Variants in HEMK2 observed in about 807,000 individuals in gnomAD.
HEMK2 encodes methyltransferase HEMK2.
chr21:28,580,747 G>C, the HEMK2 span, among the ~76,000 whole-genome samples: 4 of 152,046 alleles, frequency 2.6e-5, no homozygotes, highest in African/African-American at 7.2e-5. Flanking sequence ...CCCCAACCTG[G>C]ATAGCTAAAA....
chr21:28,633,007 T>C, the HEMK2 span, among the ~76,000 whole-genome samples: 1 of 152,196 alleles, frequency 6.6e-6, no homozygotes, highest in African/African-American at 2.4e-5. Context: ...CTATGGCTCC[T>C]AGCATTACTG....
chr21:28,734,372 G>T, the HEMK2 span, among the ~76,000 whole-genome samples: 4 of 152,124 alleles, frequency 2.6e-5, no homozygotes, highest in African/African-American at 9.7e-5. Context: ...GCCACGGCAT[G>T]TCTGCTTTCA....
chr21:28,702,077 A>G, the HEMK2 span, among the ~76,000 whole-genome samples: 2 of 151,994 alleles, frequency 1.3e-5, no homozygotes. Context: ...ACAAGCAACA[A>G]AGAAAGGACT....
the HEMK2 span, among the ~76,000 whole-genome samples, chr21:28,595,523 T>C: frequency 1.7e-3 from 258 of 152,338 alleles, 1 homozygote; most frequent in African/African-American, 5.9e-3. Context: ...TCATTTTTTA[T>C]AGCTAAATAG....
the HEMK2 span, among the ~76,000 whole-genome samples, chr21:28,751,723 A>G: frequency 6.6e-6 from 1 of 152,356 alleles, no homozygotes; most frequent in Admixed American, 6.5e-5. Context: ...CTTGTTGTCC[A>G]AGCTGGAGTG....
chr21:28,860,115 C>G, the HEMK2 span, among the ~76,000 whole-genome samples: 2 of 152,162 alleles, frequency 1.3e-5, no homozygotes, highest in African/African-American at 4.8e-5. Flanking sequence ...AAGGATTGAT[C>G]CTGGATGTAT....
chr21:28,650,490 A>G, the HEMK2 span, among the ~76,000 whole-genome samples: 2 of 152,210 alleles, frequency 1.3e-5, no homozygotes, highest in Admixed American at 6.5e-5. Context: ...AGAGACAGTC[A>G]GAGGTGGAAG....
At chr21:28,587,336 C>A in the HEMK2 span, among the ~76,000 whole-genome samples, 16 of 152,080 alleles carry the variant, frequency 1.1e-4, no homozygotes, top group Non-Finnish European at 1.8e-4. Flanking sequence ...TTATCTTACT[C>A]TAATCCTTAT....
At chr21:28,663,946 T>C in the HEMK2 span, among the ~76,000 whole-genome samples, 1 of 152,166 alleles carries the variant, frequency 6.6e-6, no homozygotes, top group Non-Finnish European at 1.5e-5. Flanking sequence ...CAAATTGAAA[T>C]AGACTAACAC....
chr21:28,878,011 C>T, the HEMK2 span, among the ~76,000 whole-genome samples: 1 of 152,106 alleles, frequency 6.6e-6, no homozygotes, highest in Admixed American at 6.5e-5. Context: ...GAAAAATTTA[C>T]CTCTGAAAAC....
At chr21:28,677,565 G>A in the HEMK2 span, among the ~76,000 whole-genome samples, 11 of 152,192 alleles carry the variant, frequency 7.2e-5, no homozygotes, top group African/African-American at 1.7e-4. Context: ...CTCCCAGCAC[G>A]CAGCTGGAGA....
the HEMK2 span, among the ~76,000 whole-genome samples, chr21:28,847,174 T>A: frequency 6.6e-6 from 1 of 152,168 alleles, no homozygotes; most frequent in East Asian, 1.9e-4. Flanking sequence ...GGTATTTCTG[T>A]TTAAGTTCTT....
the HEMK2 span, among the ~76,000 whole-genome samples, chr21:28,725,584 G>T: frequency 6.6e-6 from 1 of 152,172 alleles, no homozygotes; most frequent in African/African-American, 2.4e-5. Flanking sequence ...ACAAGAGTGA[G>T]GGCTTAGGTG....
chr21:28,829,182 G>C, the HEMK2 span, among the ~76,000 whole-genome samples: 1 of 152,152 alleles, frequency 6.6e-6, no homozygotes, highest in East Asian at 1.9e-4. Flanking sequence ...TGCTTCTTTA[G>C]AACAAGTGAA....
At chr21:28,848,222 T>C in the HEMK2 span, among the ~76,000 whole-genome samples, 1 of 152,226 alleles carries the variant, frequency 6.6e-6, no homozygotes, top group Non-Finnish European at 1.5e-5. Context: ...ATTATGGCCA[T>C]TTTAACAATA....
the HEMK2 span, among the ~76,000 whole-genome samples, chr21:28,588,895 A>G: frequency 6.6e-6 from 1 of 151,362 alleles, no homozygotes. Context: ...AGGCAGGAGA[A>G]TGGCATGAAC....
chr21:28,811,340 A>T, the HEMK2 span, among the ~76,000 whole-genome samples: 1 of 147,820 alleles, frequency 6.8e-6, no homozygotes, highest in African/African-American at 2.5e-5. Flanking sequence ...GGAAGGAGAA[A>T]GAAAGGAAGG....
the HEMK2 span, among the ~76,000 whole-genome samples, chr21:28,599,257 C>T: frequency 1.3e-5 from 2 of 152,168 alleles, no homozygotes; most frequent in Admixed American, 1.3e-4. Flanking sequence ...TAAAGACATC[C>T]TTGAGACTGT....
At chr21:28,578,529 G>C in the HEMK2 span, among the ~76,000 whole-genome samples, 2 of 152,184 alleles carry the variant, frequency 1.3e-5, no homozygotes, top group African/African-American at 4.8e-5. Context: ...GGTTTCACTG[G>C]GGAACAGAGT....
Sources: allele counts gnomAD v4.1 joint callset (sites outside exome capture counted in the v4.1 genomes callset), GRCh38; gene constraint gnomAD v4.1.1; transcripts MANE v1.5; gene names NCBI Gene and HGNC (gene_info 2026-07-23, HGNC 2026-07-21).